CCDC83: variants seen among roughly 807,000 people sequenced by gnomAD.
The protein encoded by CCDC83 is coiled-coil domain containing 83.
A neutral mutation model predicts 50.1 loss-of-function variants in CCDC83; 54 were observed. That is an observed-to-expected ratio of 1.08 (90% CI 0.87 to 1.35). The LOEUF is 1.35. Among genes scored for constraint, CCDC83 ranks in the 40% most tolerant of loss-of-function variants. CCDC83 has a pLI of 0.00. For missense variants in CCDC83, 518 were observed against 473.9 expected (o/e 1.09, Z -0.86); for synonymous variants, 161 against 153.3 (o/e 1.05, Z -0.37).
Position 85,919,355 on chromosome 11 carries a change from G to A in CCDC83, c.1087G>A (p.Val363Ile). 2 of 1,599,054 alleles carry A rather than the reference G, an allele frequency of 1.3e-6. No homozygotes were observed. The highest frequency in any genetic ancestry group is 1.1e-5 in the South Asian group (1 of 88,500). Residue 363 changes from valine to isoleucine, a missense_variant, in exon 11 of 11, where the codon GTA becomes ATA. Physicochemically the swap from Val to Ile is conservative, Grantham distance 29 (BLOSUM62 3). Coordinates refer to ENST00000342404, the MANE Select transcript of CCDC83 (RefSeq NM_001286159.2). ...TTGTGCCTGTTCACCATAGGATTAT[G>A]TAAACTTGGGCCCCCTGGGAGTGAA... ...YEDEKDFKDY[V>I]NLGPLGVKLM... is the part of the protein sequence containing the mutation.
At chr11:85,866,558 C>T (rs1463826914) in intron 2 of CCDC83, among the ~76,000 whole-genome samples, 6 of 151,504 alleles carry the variant, frequency 4.0e-5, no homozygotes, top group East Asian at 1.9e-4. Context: ...GAGGTGGAGA[C>T]GGGAGGATTG....
At chr11:85,903,384 T>G (rs913772114) in intron 7 of CCDC83, among the ~76,000 whole-genome samples, 4 of 151,968 alleles carry the variant, frequency 2.6e-5, no homozygotes, top group Non-Finnish European at 4.4e-5. Flanking sequence ...AAACTCTGCC[T>G]CCCAGGTTCA....
rs555756658 is a variant in CCDC83, at chr11:85,887,827, C to T, written c.511+1460C>T. ...CTTTTTTTTTTTTTTTTTCGAGACA[C>T]GGTCTCACTCTGTCACCCAAGATGA... On this transcript the variant is annotated intron_variant, in intron 5 of 10. Coordinates refer to ENST00000342404, the MANE Select transcript of CCDC83 (RefSeq NM_001286159.2). Among the ~76,000 whole-genome samples the T allele has an allele frequency of 4.6e-5, 6 of 131,806 alleles. No homozygotes were observed. In the South Asian group the frequency reaches 9.5e-4, roughly 21 times the overall value. The allele number at this position is 131,806 out of a possible 152,430, so 86.5% of individuals were successfully genotyped here.
chr11:85,911,567 C>T (rs2093454542), intron 8 of CCDC83, among the ~76,000 whole-genome samples, 165 bp downstream of exon 8: 1 of 152,190 alleles, frequency 6.6e-6, no homozygotes, highest in Non-Finnish European at 1.5e-5. Flanking sequence ...AGGATTATTA[C>T]TATTGACCAT....
intron 4 of CCDC83, among the ~76,000 whole-genome samples, chr11:85,885,690 T>C (rs993193580): frequency 6.6e-5 from 10 of 152,244 alleles, no homozygotes; most frequent in African/African-American, 2.4e-4. Context: ...TCAGAGGCTA[T>C]CATTTCATAC....
chr11:85,910,733 A>C (rs532289384), intron 7 of CCDC83, among the ~76,000 whole-genome samples: 1 of 152,338 alleles, frequency 6.6e-6, no homozygotes, highest in South Asian at 2.1e-4. Context: ...AACTATTCAG[A>C]CAAGTTCTGC....
At chr11:85,864,036 TTAAG>T (rs1307885438) in intron 1 of CCDC83, among the ~76,000 whole-genome samples, 1 of 152,230 alleles carries the variant, frequency 6.6e-6, no homozygotes, top group Non-Finnish European at 1.5e-5. Context: ...CTCAAAAAGA[TTAAG>T]TAACCTATTC....
intron 2 of CCDC83, among the ~76,000 whole-genome samples, chr11:85,866,205 G>A (rs937655216): frequency 6.6e-6 from 1 of 152,152 alleles, no homozygotes; most frequent in Non-Finnish European, 1.5e-5. Context: ...AGAATTAATA[G>A]ATAAGTGTTA....
At chr11:85,899,537 T>A (rs1592177767) in intron 7 of CCDC83, among the ~76,000 whole-genome samples, 3 of 152,316 alleles carry the variant, frequency 2.0e-5, no homozygotes, top group Middle Eastern at 3.4e-3. Context: ...CAACTCACCC[T>A]CAGGCTTGGA....
chr11:85,881,806 T>A (rs1261859830), intron 3 of CCDC83, among the ~76,000 whole-genome samples: 1 of 152,216 alleles, frequency 6.6e-6, no homozygotes, highest in African/African-American at 2.4e-5. Flanking sequence ...TGACTGCTTT[T>A]AAGACTTTTC....
intron 10 of CCDC83, among the ~76,000 whole-genome samples, chr11:85,919,134 G>C (rs1352665281): frequency 6.6e-6 from 1 of 152,198 alleles, no homozygotes; most frequent in East Asian, 1.9e-4. Context: ...CTTGCCTACT[G>C]TGTATGCCCT....
At chr11:85,882,923 G>T (rs2093308549) in intron 4 of CCDC83, among the ~76,000 whole-genome samples, 1 of 152,032 alleles carries the variant, frequency 6.6e-6, no homozygotes, top group Non-Finnish European at 1.5e-5. Context: ...AAATTTATCT[G>T]ACTGTTTTTT....
intron 4 of CCDC83, among the ~76,000 whole-genome samples, chr11:85,885,691 C>A (rs1159420531): frequency 6.6e-6 from 1 of 152,202 alleles, no homozygotes; most frequent in Non-Finnish European, 1.5e-5. Context: ...CAGAGGCTAT[C>A]ATTTCATACA....
At chr11:85,895,129 G>A (rs1037178641) in intron 5 of CCDC83, among the ~76,000 whole-genome samples, 164 bp from the exon 6 acceptor site, 1 of 152,254 alleles carries the variant, frequency 6.6e-6, no homozygotes. Context: ...GTTAGATGAA[G>A]TCAGACAGAA....
intron 10 of CCDC83, among the ~76,000 whole-genome samples, chr11:85,918,626 T>C (rs900947705): frequency 6.6e-6 from 1 of 152,172 alleles, no homozygotes; most frequent in African/African-American, 2.4e-5. Flanking sequence ...AATTTAGAAG[T>C]TGATTTTGCC....
At chr11:85,909,323 C>A (rs777346138) in intron 7 of CCDC83, among the ~76,000 whole-genome samples, 2 of 152,176 alleles carry the variant, frequency 1.3e-5, no homozygotes, top group Non-Finnish European at 2.9e-5. Context: ...TGAATCTAAA[C>A]CCCTGTGCCT....
At chr11:85,886,428 G>C in intron 5 of CCDC83, 61 bp downstream of exon 5, 2 of 1,365,198 alleles carry the variant, frequency 1.5e-6, no homozygotes, top group South Asian at 1.6e-5. Context: ...GGCATACATT[G>C]ATGGAAGAAA....
intron 3 of CCDC83, among the ~76,000 whole-genome samples, chr11:85,878,036 T>C (rs1303474935): frequency 6.6e-6 from 1 of 152,186 alleles, no homozygotes; most frequent in Non-Finnish European, 1.5e-5. Context: ...ATAAAATATC[T>C]GAGAATTGGT....
chr11:85,867,949 C>T (rs1478423813), intron 2 of CCDC83, among the ~76,000 whole-genome samples: 1 of 152,222 alleles, frequency 6.6e-6, no homozygotes, highest in Admixed American at 6.5e-5. Flanking sequence ...ATGTGTTCCT[C>T]GGTGACAGAA....
Sources: allele counts gnomAD v4.1 joint callset (sites outside exome capture counted in the v4.1 genomes callset), GRCh38; gene constraint gnomAD v4.1.1; transcripts MANE v1.5; gene names NCBI Gene and HGNC (gene_info 2026-07-23, HGNC 2026-07-21).